Variants in TPPP2 observed in about 807,000 individuals in gnomAD.
TPPP2 encodes the protein tubulin polymerization-promoting protein family member 2.
TPPP2 carries 8 observed loss-of-function variants against 13.0 expected under a neutral mutation model. That is an observed-to-expected ratio of 0.62 (90% CI 0.36 to 1.11). The LOEUF is 1.11. Among genes scored for constraint, TPPP2 ranks in the 50% most tolerant of loss-of-function variants. The probability of loss-of-function intolerance (pLI) is 0.02; values close to 1 mark genes in which losing one functional copy is unlikely to be tolerated. For synonymous variants in TPPP2, 81 were observed against 81.8 expected, an observed-to-expected ratio of 0.99 and a Z score of 0.05; for missense variants, 213 against 216.9, an observed-to-expected ratio of 0.98 and a Z score of 0.11.
chr14:21,024,571 T>C (rs905658796), intron 1 of TPPP2: 1 of 985,322 alleles, frequency 1.0e-6, no homozygotes, highest in Non-Finnish European at 1.2e-6. Context: ...ACACAAAGAT[T>C]GGTGCCGTCG....
chr14:21,026,168 A>C (rs564577771), upstream of TPPP2, among the ~76,000 whole-genome samples: 479 of 151,542 alleles, frequency 3.2e-3, 1 homozygote, highest in Non-Finnish European at 4.9e-3. Flanking sequence ...ACACACACAC[A>C]CCCTGGAATG....
chr14:21,027,040 C>T (rs1172287921), upstream of TPPP2, among the ~76,000 whole-genome samples: 1 of 152,098 alleles, frequency 6.6e-6, no homozygotes, highest in Non-Finnish European at 1.5e-5. Context: ...CATCTAAATT[C>T]GTCTCTGGGT....
Position 21,030,293 on chromosome 14 carries a change from G to T in TPPP2, c.-81G>T, listed in dbSNP as rs1010901502. 2 of 359,936 alleles carry T rather than the reference G, an allele frequency of 5.6e-6. No homozygotes were observed. Among genetic ancestry groups the T allele is most frequent in the Non-Finnish European group, 1.0e-5 (2 of 192,544 alleles). The allele number at this position is 359,936 out of a possible 1,614,324, so 22.3% of individuals were successfully genotyped here. A position where few individuals can be genotyped will look rare whatever the true frequency, so the allele number is the denominator to read the frequency against. On this transcript the variant is annotated 5_prime_UTR_variant, in exon 1 of 4. Coordinates refer to ENST00000321760, the MANE Select transcript of TPPP2 (RefSeq NM_173846.5). ...GCCGGGAAGGGTCAGACCACCATCC[G>T]GGTACTCTAAGGTACATAAAAGAGG...
At chr14:21,024,945 A>G in intron 1 of TPPP2, 1 of 985,570 alleles carries the variant, frequency 1.0e-6, no homozygotes, top group Non-Finnish European at 1.2e-6. Context: ...CTCCAGCTCC[A>G]GGGGACGCGG....
downstream of TPPP2, chr14:21,034,112 C>A: frequency 6.2e-7 from 1 of 1,614,220 alleles, no homozygotes; most frequent in African/African-American, 1.3e-5. Flanking sequence ...TCTTGCCTCG[C>A]ATATAGGACA....
chr14:21,030,712 C>G lies in TPPP2; in HGVS notation c.131C>G (p.Thr44Arg), dbSNP rs137962022. ...GACTGTGGCATCATGGATGGCAAGACAGTCACCTCCACGGACGTGGACATC... is the reference window on the plus strand; with the variant it reads ...GACTGTGGCATCATGGATGGCAAGAGAGTCACCTCCACGGACGTGGACATC... ...CKDCGIMDGK[T>R]VTSTDVDIVF... Residue 44 changes from threonine (T) to arginine (R), a missense_variant, in exon 2 of 4, where the codon ACA (threonine) becomes AGA (arginine). Physicochemically the swap from Thr to Arg is moderately conservative, Grantham distance 71. Coordinates refer to ENST00000321760, the MANE Select transcript of TPPP2 (RefSeq NM_173846.5). 1.9e-3 allele frequency: 3,061 copies of G among 1,614,042 alleles called. 9 individuals carry two copies. The highest frequency in any genetic ancestry group is 2.4e-3 in the Non-Finnish European group (2,891 of 1,180,030).
At chr14:21,036,023 T>C (rs936943897), downstream of TPPP2, 1 of 376,734 alleles carries the variant, frequency 2.7e-6, no homozygotes, top group African/African-American at 2.1e-5. Flanking sequence ...ATAGTATTTT[T>C]TACCTCACGG....
upstream of TPPP2, chr14:21,025,752 T>TGG: frequency 6.3e-6 from 1 of 159,336 alleles, no homozygotes; most frequent in Non-Finnish European, 7.3e-6. This position sits in a 1 kb window ranked among gnomAD's most constrained non-coding sequence, Gnocchi z 5.1. Context: ...GGCGGGGAGG[T>TGG]GGGGGCGGGG....
chr14:21,024,802 T>G, intron 1 of TPPP2: 1 of 985,710 alleles, frequency 1.0e-6, no homozygotes, highest in Non-Finnish European at 1.2e-6. Context: ...CACCCTTGCG[T>G]GGCCGGTGCC....
chr14:21,025,245 G>A (rs1281760656), upstream of TPPP2: 12 of 847,946 alleles, frequency 1.4e-5, no homozygotes, highest in Non-Finnish European at 1.7e-5. This position sits in a 1 kb window ranked among gnomAD's most constrained non-coding sequence, Gnocchi z 5.1. Flanking sequence ...GGGGGCGAGG[G>A]GCGGGCGGCT....
upstream of TPPP2, among the ~76,000 whole-genome samples, chr14:21,027,675 T>A (rs1883788609): frequency 6.6e-6 from 1 of 152,232 alleles, no homozygotes; most frequent in Non-Finnish European, 1.5e-5. Context: ...ATGCAAGGCA[T>A]ATTATTTACT....
At chr14:21,034,251 A>G (rs1472931521), downstream of TPPP2, 1 of 1,613,760 alleles carries the variant, frequency 6.2e-7, no homozygotes, top group East Asian at 2.2e-5. Flanking sequence ...CCCCAGAACA[A>G]GCTGGAGGAA....
At chr14:21,034,028 C>T (rs1443712982), downstream of TPPP2, 6 of 1,614,164 alleles carry the variant, frequency 3.7e-6, no homozygotes, top group Admixed American at 3.3e-5. Flanking sequence ...TGTCACTATA[C>T]TTGCAGAACT....
Position 21,030,253 on chromosome 14 carries a change from C to G in TPPP2, c.-121C>G. 7.4e-6 allele frequency: 2 copies of G among 268,506 alleles called. No homozygotes were observed. Among genetic ancestry groups the G allele is most frequent in the Non-Finnish European group, 7.2e-6 (1 of 138,388 alleles). 16.6% of individuals were successfully genotyped at this position (268,506 alleles called of 1,614,324 possible). Reference sequence around the variant, plus strand: ...CAACCGGCTCCCACATATCTGCACACACTTAAATACAAAGGCCGGGAAGGG... The same window carrying G: ...CAACCGGCTCCCACATATCTGCACAGACTTAAATACAAAGGCCGGGAAGGG... On this transcript the variant is annotated 5_prime_UTR_variant, in exon 1 of 4. Coordinates refer to ENST00000321760, the MANE Select transcript of TPPP2 (RefSeq NM_173846.5).
upstream of TPPP2, chr14:21,030,201 C>T (rs1883964466): frequency 5.3e-6 from 1 of 188,358 alleles, no homozygotes; most frequent in Non-Finnish European, 1.1e-5. Flanking sequence ...CTTCCCTCTC[C>T]TCCCTCTGTC....
chr14:21,031,819 C>T (rs890908143), intron 3 of TPPP2, 73 bp from the exon 4 acceptor site: 5 of 1,506,780 alleles, frequency 3.3e-6, no homozygotes, highest in Admixed American at 4.0e-5. Flanking sequence ...CTAAGTATCT[C>T]GGGCCATCTT....
intron 3 of TPPP2, 44 bp from the exon 4 acceptor site, chr14:21,031,848 G>A (rs1342450268): frequency 2.5e-6 from 4 of 1,592,148 alleles, no homozygotes; most frequent in Non-Finnish European, 2.6e-6. Context: ...GGATATGACA[G>A]CGTAAGGAAA....
chr14:21,033,612 G>T, downstream of TPPP2: 1 of 597,528 alleles, frequency 1.7e-6, no homozygotes, highest in Non-Finnish European at 3.0e-6. Context: ...GGGCGAAGAG[G>T]GGGTAAACAA....
intron 2 of TPPP2, 85 bp from the exon 3 acceptor site, chr14:21,030,927 C>A: frequency 1.9e-6 from 3 of 1,540,998 alleles, no homozygotes; most frequent in Non-Finnish European, 2.6e-6. Context: ...ACAAAAGAGG[C>A]CAAATCTGAG....
Sources: gnomAD v4.1 joint callset for allele counts (sites outside exome capture counted in the v4.1 genomes callset) on GRCh38, gnomAD v4.1.1 for gene constraint, Gnocchi (gnomAD v3.1) non-coding constraint, MANE v1.5 for transcripts, NCBI Gene and HGNC (gene_info 2026-07-23, HGNC 2026-07-21) for gene names.